AKT1: variants seen among roughly 807,000 people sequenced by gnomAD.
AKT1 encodes the protein AKT serine/threonine kinase 1.
In AKT1, 21 loss-of-function variants were observed where a neutral mutation model predicts 63.1. That is an observed-to-expected ratio of 0.33 (90% CI 0.24 to 0.48). The LOEUF is 0.48. Among genes scored for constraint, AKT1 ranks in the 20% least tolerant of loss-of-function variants. The pLI is 0.99. For synonymous variants in AKT1, 257 were observed against 253.1 expected, an observed-to-expected ratio of 1.02 and a Z score of -0.15; for missense variants, 382 against 666.0, an observed-to-expected ratio of 0.57 and a Z score of 4.69.
At chr14:104,770,947 G>A in intron 13 of AKT1, 100 bp from the exon 14 acceptor site, 1 of 1,053,388 alleles carries the variant, frequency 9.5e-7, no homozygotes, top group Admixed American at 2.0e-5. Context: ...GATCTCCAAG[G>A]GGTCTCCAGG....
At chr14:104,794,401 G>A (rs924624618) in intron 1 of AKT1, 7 of 152,276 alleles carry the variant, frequency 4.6e-5, no homozygotes, top group African/African-American at 1.7e-4. Context: ...TGCTCACACA[G>A]GGTGGTGTAC....
At position 104,772,908 on chromosome 14, in the gene AKT1, G is replaced by A; in HGVS notation, c.1142C>T (p.Ser381Leu). The change falls in exon 12 of 15, where the codon TCA becomes TTA. Residue 381 changes from serine to leucine, a missense_variant. By Grantham distance (145) the Ser-to-Leu change is moderately radical. Coordinates refer to ENST00000649815, the MANE Select transcript of AKT1 (RefSeq NM_001382430.1). ...TLGPEAKSLL[S>L]GLLKKDPKQR... ...CTTGGGGTCCTTCTTGAGCAGCCCTGAAAGCAAGGACTTGGCCTCGGGACC... is the reference window on the plus strand; with the variant it reads ...CTTGGGGTCCTTCTTGAGCAGCCCTAAAAGCAAGGACTTGGCCTCGGGACC... The A allele has an allele frequency of 6.2e-7, 1 of 1,612,972 alleles. No individual in the cohort carries two copies. Among genetic ancestry groups the A allele is most frequent in the Non-Finnish European group, 8.5e-7 (1 of 1,179,938 alleles).
intron 3 of AKT1, 66 bp from the exon 4 acceptor site, chr14:104,780,282 G>A (rs1892959637): frequency 6.3e-6 from 10 of 1,583,594 alleles, no homozygotes; most frequent in Non-Finnish European, 5.2e-6. Context: ...AGGCAGCCAG[G>A]CAGGAACTGG....
chr14:104,775,754 C>T lies in AKT1; in HGVS notation c.333G>A (p.Lys111=). 6.2e-7 allele frequency: 1 copy of T among 1,614,076 alleles called. No homozygotes were observed. The highest frequency in any genetic ancestry group is 8.5e-7 in the Non-Finnish European group (1 of 1,179,978). Residue 111 remains lysine, a synonymous_variant, in exon 6 of 15, where the codon AAG becomes AAA. Coordinates refer to ENST00000649815, the MANE Select transcript of AKT1 (RefSeq NM_001382430.1). The part of the protein sequence containing the change: ...TAIQTVADGL[K]KQEEEEMDFR... ...AGTCCATCTCCTCCTCCTCCTGCTT[C>T]TTGAGGCCGTCAGCCACAGTCTGGA... is the stretch of plus-strand genomic sequence containing the variant.
chr14:104,779,088 G>A (rs186811288), intron 4 of AKT1, among the ~76,000 whole-genome samples: 24 of 152,310 alleles, frequency 1.6e-4, no homozygotes, highest in Non-Finnish European at 2.9e-4. Flanking sequence ...GGAGGCCCAC[G>A]TGTCCCCAGC....
In AKT1 at chr14:104,769,650, G is replaced by A. The variant is rs1173097222; in HGVS notation, c.*691C>T. 4 of 495,162 alleles carry A rather than the reference G, an allele frequency of 8.1e-6. No homozygotes were observed. The highest frequency in any genetic ancestry group is 2.0e-5 in the African/African-American group (1 of 51,142). 30.7% of individuals were successfully genotyped at this position (495,162 alleles called of 1,614,324 possible). A position where few individuals can be genotyped will look rare whatever the true frequency, so the allele number is the denominator to read the frequency against. Reference sequence around the variant, plus strand: ...AACTGTGACACAGAAGGGGAAGGGGGAGGGCTTTCCTGTCACAAAGATTAA... The same window carrying A: ...AACTGTGACACAGAAGGGGAAGGGGAAGGGCTTTCCTGTCACAAAGATTAA... On this transcript the variant is annotated 3_prime_UTR_variant, in exon 15 of 15. Transcript: ENST00000649815.
At chr14:104,788,572 G>T (rs1372653219) in intron 3 of AKT1, among the ~76,000 whole-genome samples, 1 of 152,218 alleles carries the variant, frequency 6.6e-6, no homozygotes, top group Non-Finnish European at 1.5e-5. Context: ...GGACCAGCTG[G>T]ATGGCTGAGC....
Position 104,770,133 on chromosome 14 carries a change from T to C in AKT1, c.*208A>G. ...CGGAGAACAAACTGGATGAAATAAA[T>C]TAAAACCCGCAGGATAGTTTTCTTC... is the stretch of plus-strand genomic sequence containing the variant. On this transcript the variant is annotated 3_prime_UTR_variant, in exon 15 of 15. Coordinates refer to ENST00000649815, the MANE Select transcript of AKT1 (RefSeq NM_001382430.1). 3.3e-6 allele frequency: 2 copies of C among 609,710 alleles called. No homozygotes were observed. The highest frequency in any genetic ancestry group is 2.9e-6 in the Non-Finnish European group (1 of 341,790). 37.8% of individuals were successfully genotyped at this position (609,710 alleles called of 1,614,324 possible). A position where few individuals can be genotyped will look rare whatever the true frequency, so the allele number is the denominator to read the frequency against.
At chr14:104,791,881 C>A (rs1341808534) in intron 3 of AKT1, among the ~76,000 whole-genome samples, 2 of 152,234 alleles carry the variant, frequency 1.3e-5, no homozygotes, top group African/African-American at 4.8e-5. Flanking sequence ...AACAGGAAGC[C>A]CACCCTAGCA....
intron 3 of AKT1, among the ~76,000 whole-genome samples, chr14:104,789,587 T>C (rs186947101): frequency 1.2e-3 from 177 of 152,336 alleles, no homozygotes; most frequent in African/African-American, 4.1e-3. Flanking sequence ...TTTAAAATTG[T>C]CAGCCTTCAA....
In AKT1 at chr14:104,792,691, C is replaced by T. The variant is rs370260488; in HGVS notation, c.-48G>A. 4.0e-5 allele frequency: 64 copies of T among 1,600,432 alleles called. No homozygotes were observed. The highest frequency in any genetic ancestry group is 1.2e-4 in the Admixed American group (7 of 59,966). On this transcript the variant is annotated 5_prime_UTR_variant, in exon 3 of 15. Transcript: ENST00000649815. ...CTCACGCGCTCCTCTCAGGCTGGCG[C>T]TCCCCGAGCCCAGCTGGCCTGGCCA...
rs1185017445 is a variant in AKT1, at chr14:104,769,541, C to T, written c.*800G>A. On this transcript the variant is annotated 3_prime_UTR_variant, in exon 15 of 15. Coordinates refer to ENST00000649815, the MANE Select transcript of AKT1 (RefSeq NM_001382430.1). ...AGTCAGGGAGGGCCTGGGGCGACAG[C>T]GGAAAGGTTAAGCGTCGAAAAGGTC... 9 of 533,038 alleles carry T rather than the reference C, an allele frequency of 1.7e-5. No homozygotes were observed. Among genetic ancestry groups the T allele is most frequent in the African/African-American group, 3.7e-5 (2 of 53,644 alleles). 33.0% of individuals were successfully genotyped at this position (533,038 alleles called of 1,614,324 possible).
Position 104,774,951 on chromosome 14 carries a change from T to C in AKT1, c.620A>G (p.His207Arg). 6.2e-7 allele frequency: 1 copy of C among 1,610,738 alleles called. No individual in the cohort carries two copies. The highest frequency in any genetic ancestry group is 8.5e-7 in the Non-Finnish European group (1 of 1,179,274). ...GCTCCCACTCACTGTGAGGAAGGGG[T>C]GCCTGGAGTTCTGCAGGACGCGGTT... ...TENRVLQNSR[H>R]PFLTALKYSF... The change falls in exon 8 of 15, where the codon CAC (histidine) becomes CGC (arginine). Residue 207 changes from histidine (H) to arginine (R), a missense_variant. By Grantham distance (29) the His-to-Arg change is conservative. This residue lies in a region of AKT1 where 226 missense variants were observed against 366.4 expected (regional missense o/e 0.62). Coordinates refer to ENST00000649815, the MANE Select transcript of AKT1 (RefSeq NM_001382430.1).
chr14:104,775,853 C>T, intron 5 of AKT1, 54 bp from the exon 6 acceptor site: 8 of 1,575,968 alleles, frequency 5.1e-6, no homozygotes, highest in Non-Finnish European at 6.9e-6. Context: ...AGCTCCACCC[C>T]ACGTCTTTCA....
chr14:104,790,175 G>A (rs1415891963), intron 3 of AKT1, among the ~76,000 whole-genome samples: 1 of 152,218 alleles, frequency 6.6e-6, no homozygotes, highest in Non-Finnish European at 1.5e-5. Flanking sequence ...GGATTCAGCT[G>A]AGAACCAAAG....
chr14:104,769,444 C>T lies in AKT1; in HGVS notation c.*897G>A, dbSNP rs1025273425. 6 of 412,448 alleles carry T rather than the reference C, an allele frequency of 1.5e-5. No homozygotes were observed. The highest frequency in any genetic ancestry group is 5.1e-5 in the East Asian group (1 of 19,692). The allele number at this position is 412,448 out of a possible 1,614,324, so 25.5% of individuals were successfully genotyped here. ...AAAGTTGAATGTTGTAAAAAAACGC[C>T]GTGGTGCAGCGGCAGCGGCAGCGTC... is the stretch of plus-strand genomic sequence containing the variant. On this transcript the variant is annotated 3_prime_UTR_variant, in exon 15 of 15. Coordinates refer to ENST00000649815, the MANE Select transcript of AKT1 (RefSeq NM_001382430.1).
intron 4 of AKT1, among the ~76,000 whole-genome samples, chr14:104,779,660 C>A (rs1892922429): frequency 6.7e-6 from 1 of 149,072 alleles, no homozygotes. Context: ...GGACTCTGCC[C>A]AGAAACCCCT....
chr14:104,782,349 C>T (rs867069974), intron 3 of AKT1, among the ~76,000 whole-genome samples: 5 of 152,276 alleles, frequency 3.3e-5, no homozygotes, highest in South Asian at 4.1e-4. Context: ...CCCCTGAAAC[C>T]CATCTTATCC....
chr14:104,785,834 G>A (rs1893303719), intron 3 of AKT1, among the ~76,000 whole-genome samples: 2 of 152,078 alleles, frequency 1.3e-5, no homozygotes, highest in African/African-American at 4.8e-5. Flanking sequence ...CCACCTCGCT[G>A]AGGCACAGCC....
Sources: gnomAD v4.1 joint callset for allele counts (sites outside exome capture counted in the v4.1 genomes callset) on GRCh38, gnomAD v4.1.1 for gene constraint, gnomAD v4.1.1 regional missense constraint, MANE v1.5 for transcripts, NCBI Gene and HGNC (gene_info 2026-07-23, HGNC 2026-07-21) for gene names.